SYNPR: variants seen among roughly 807,000 people sequenced by gnomAD.
SYNPR encodes synaptoporin.
Under a neutral mutation model 32.9 loss-of-function variants are expected in SYNPR, and 23 were observed. The ratio of observed to expected loss-of-function variants is 0.70; its 90% CI spans 0.50 to 0.99. The LOEUF (loss-of-function observed/expected upper bound fraction) is 0.99, where lower values mean the gene tolerates loss of function less well. Ranked by LOEUF, SYNPR falls within the 50% of genes least tolerant of loss-of-function variation. The pLI, the probability that SYNPR is intolerant of heterozygous loss-of-function variation, is 0.00. For synonymous variants in SYNPR, 146 were observed against 135.9 expected (o/e 1.07, Z -0.52); for missense variants, 318 against 349.3 (o/e 0.91, Z 0.71).
At chr3:63,454,682 A>C (rs1285500203) in intron 2 of SYNPR, among the ~76,000 whole-genome samples, 5 of 152,130 alleles carry the variant, frequency 3.3e-5, no homozygotes, top group African/African-American at 1.2e-4. Context: ...CAGGATCTCT[A>C]CTTATTTGTC....
chr3:63,332,961 C>T (rs1317577317), intron 2 of SYNPR, among the ~76,000 whole-genome samples: 1 of 152,088 alleles, frequency 6.6e-6, no homozygotes, highest in Non-Finnish European at 1.5e-5. Flanking sequence ...AATACATCCC[C>T]CTGCCCCATC....
intron 4 of SYNPR, among the ~76,000 whole-genome samples, chr3:63,575,010 T>A (rs1702952632): frequency 6.6e-6 from 1 of 151,974 alleles, no homozygotes; most frequent in East Asian, 1.9e-4. Flanking sequence ...CTCTCCCACA[T>A]ACACATGACT....
At chr3:63,554,965 CT>C (rs1356732033) in intron 3 of SYNPR, among the ~76,000 whole-genome samples, 1 of 151,942 alleles carries the variant, frequency 6.6e-6, no homozygotes, top group Non-Finnish European at 1.5e-5. Context: ...ATTTTATTTT[CT>C]TTGTGGCTAT....
rs142284471 is a variant in SYNPR at position 63,520,136 on chromosome 3, G to A, written c.210-36407G>A. The stretch of plus-strand genomic sequence containing the variant: ...ACAGCATAATTTTAATATGTGACCC[G>A]GCATGTCCCACACATAAGTCATGAA... On this transcript the variant is annotated intron_variant, in intron 3 of 5. Transcript: ENST00000478300. Among the ~76,000 whole-genome samples the A allele has an allele frequency of 2.0e-3, 311 of 152,162 alleles. 1 individual carries two copies. Among genetic ancestry groups the A allele is most frequent in the African/African-American group, 6.9e-3 (288 of 41,506 alleles).
chr3:63,302,012 A>G (rs894036505), intron 2 of SYNPR, among the ~76,000 whole-genome samples: 3 of 151,986 alleles, frequency 2.0e-5, no homozygotes, highest in Non-Finnish European at 4.4e-5. Context: ...TAGGCACCCA[A>G]ATATTTCCTA....
At chr3:63,208,445 A>G in the SYNPR span, among the ~76,000 whole-genome samples, 11 of 152,348 alleles carry the variant, frequency 7.2e-5, no homozygotes, top group Non-Finnish European at 1.5e-4. Flanking sequence ...ATGGTCTTCT[A>G]ATGTTGCTGA....
chr3:63,361,301 A>C (rs773716079), intron 2 of SYNPR, among the ~76,000 whole-genome samples: 6 of 151,996 alleles, frequency 3.9e-5, no homozygotes, highest in Admixed American at 3.3e-4. Flanking sequence ...GGAAAAATGG[A>C]TATAGGCCAG....
intron 4 of SYNPR, among the ~76,000 whole-genome samples, chr3:63,607,610 T>C (rs746059739): frequency 1.3e-5 from 2 of 152,170 alleles, no homozygotes; most frequent in Admixed American, 6.5e-5. Context: ...AAAATACCCA[T>C]GCCATCAAAA....
intron 4 of SYNPR, among the ~76,000 whole-genome samples, chr3:63,572,937 A>AC (rs1181173899): frequency 6.6e-6 from 1 of 151,894 alleles, no homozygotes; most frequent in African/African-American, 2.4e-5. Flanking sequence ...TGTGTGTGTG[A>AC]TTTTTTTCCT....
At chr3:63,243,177 A>G (rs1419737651) in intron 1 of SYNPR, among the ~76,000 whole-genome samples, 1 of 152,000 alleles carries the variant, frequency 6.6e-6, no homozygotes, top group Non-Finnish European at 1.5e-5. Context: ...AGAATTGTCC[A>G]GAATTGACAA....
Position 63,579,611 on chromosome 3 carries a change from G to C in SYNPR, c.408+22870G>C, listed in dbSNP as rs905633925. ...TCCAAGACTATATTTCCAGTGTTTAGAAAGATGCTCAACATGAGGTGCAAA... is the reference window on the plus strand; with the variant it reads ...TCCAAGACTATATTTCCAGTGTTTACAAAGATGCTCAACATGAGGTGCAAA... On this transcript the variant is annotated intron_variant, in intron 4 of 5. Coordinates refer to ENST00000478300, the MANE Select transcript of SYNPR (RefSeq NM_001130003.2). Among the ~76,000 whole-genome samples, 3 of 152,036 alleles carry C rather than the reference G, an allele frequency of 2.0e-5. No individual in the cohort carries two copies. The East Asian group carries it at 5.8e-4, about 29-fold the overall frequency.
chr3:63,254,646 G>A (rs938418849), intron 2 of SYNPR, among the ~76,000 whole-genome samples: 2 of 152,132 alleles, frequency 1.3e-5, no homozygotes, highest in Non-Finnish European at 2.9e-5. Flanking sequence ...GATTGGTGGG[G>A]AAGGGGGTCT....
At chr3:63,416,337 G>A (rs1002789029) in intron 2 of SYNPR, among the ~76,000 whole-genome samples, 4 of 151,954 alleles carry the variant, frequency 2.6e-5, no homozygotes, top group African/African-American at 9.7e-5. Flanking sequence ...TTGAGACTAG[G>A]TTGGGCAACA....
At chr3:63,326,932 C>A (rs2087174378) in intron 2 of SYNPR, among the ~76,000 whole-genome samples, 1 of 151,738 alleles carries the variant, frequency 6.6e-6, no homozygotes, top group Admixed American at 6.6e-5. Flanking sequence ...GATTCATTTC[C>A]ATGTTCCTAA....
At chr3:63,418,835 G>A (rs1043294680) in intron 2 of SYNPR, among the ~76,000 whole-genome samples, 2 of 152,136 alleles carry the variant, frequency 1.3e-5, no homozygotes, top group East Asian at 1.9e-4. Flanking sequence ...ATTTGGGTGG[G>A]GACCCAGCTG....
chr3:63,258,394 A>C (rs2086406935), intron 2 of SYNPR, among the ~76,000 whole-genome samples: 1 of 152,246 alleles, frequency 6.6e-6, no homozygotes, highest in African/African-American at 2.4e-5. Context: ...GTGCGATCAA[A>C]CTAGAACTCA....
chr3:63,419,284 C>T (rs2088578046), intron 2 of SYNPR, among the ~76,000 whole-genome samples: 1 of 152,182 alleles, frequency 6.6e-6, no homozygotes, highest in Non-Finnish European at 1.5e-5. Flanking sequence ...CCTGCCCCAG[C>T]CTCAAAACTG....
intron 4 of SYNPR, among the ~76,000 whole-genome samples, chr3:63,557,182 T>C (rs1168094713): frequency 6.6e-6 from 1 of 152,200 alleles, no homozygotes; most frequent in Non-Finnish European, 1.5e-5. Flanking sequence ...TGTTGCCTCG[T>C]ACAATGGTCC....
At chr3:63,338,190 A>T (rs914336689) in intron 2 of SYNPR, among the ~76,000 whole-genome samples, 4 of 152,176 alleles carry the variant, frequency 2.6e-5, no homozygotes, top group Non-Finnish European at 4.4e-5. Context: ...TAATAAATAA[A>T]GTTTATTTGT....
Sources: gnomAD v4.1 joint callset for allele counts (sites outside exome capture counted in the v4.1 genomes callset) on GRCh38, gnomAD v4.1.1 for gene constraint, MANE v1.5 for transcripts, NCBI Gene and HGNC (gene_info 2026-07-23, HGNC 2026-07-21) for gene names.